PRR5L: variants seen among roughly 807,000 people sequenced by gnomAD.
The protein encoded by PRR5L is proline rich 5 like.
PRR5L carries 21 observed loss-of-function variants against 36.4 expected under a neutral mutation model. That is an observed-to-expected ratio of 0.58 (90% confidence interval 0.41 to 0.83). The LOEUF is 0.83. PRR5L is among the 40% of genes least tolerant of loss of function. PRR5L has a pLI of 0.00. For missense variants in PRR5L, 381 were observed against 473.3 expected (o/e 0.80, Z 1.81); for synonymous variants, 188 against 197.0 (o/e 0.95, Z 0.38).
rs566527896 is a variant in PRR5L at position 36,345,049 on chromosome 11, C to T, written c.-126+48611C>T. On this transcript the variant is annotated intron_variant, in intron 1 of 8. Coordinates refer to ENST00000530639, the MANE Select transcript of PRR5L (RefSeq NM_001160167.2). Reference sequence around the variant, plus strand: ...GGCAAAGGGCTAGAGAGAAAAGGGTCTTTCCAGCTTGGGCTTGACTGGAGG... The same window carrying T: ...GGCAAAGGGCTAGAGAGAAAAGGGTTTTTCCAGCTTGGGCTTGACTGGAGG... Among the ~76,000 whole-genome samples, 75 of 152,286 alleles carry T rather than the reference C, an allele frequency of 4.9e-4. 1 individual carries two copies. Among genetic ancestry groups the T allele is most frequent in the Non-Finnish European group, 7.2e-4 (49 of 68,016 alleles).
intron 1 of PRR5L, among the ~76,000 whole-genome samples, chr11:36,354,119 G>A (rs182116905): frequency 2.6e-4 from 40 of 152,230 alleles, no homozygotes; most frequent in African/African-American, 8.9e-4. Context: ...TATTACTTGG[G>A]CAAATTACTT....
intron 3 of PRR5L, among the ~76,000 whole-genome samples, chr11:36,409,682 C>A (rs1472185707): frequency 6.6e-6 from 1 of 152,190 alleles, no homozygotes. Flanking sequence ...AGGCCTGATG[C>A]CACGAGGTAA....
intron 5 of PRR5L, 106 bp from the exon 6 acceptor site, chr11:36,437,279 A>G: frequency 2.4e-6 from 2 of 829,158 alleles, no homozygotes; most frequent in East Asian, 4.8e-5. Context: ...GTTTTTTAGC[A>G]TGTGCAGCTT....
At chr11:36,358,924 G>A (rs1378793001) in intron 1 of PRR5L, among the ~76,000 whole-genome samples, 1 of 152,210 alleles carries the variant, frequency 6.6e-6, no homozygotes, top group Non-Finnish European at 1.5e-5. Flanking sequence ...GCTAGATTTG[G>A]AGATGTTTTG....
intron 3 of PRR5L, among the ~76,000 whole-genome samples, chr11:36,411,921 C>G (rs1353286528): frequency 6.6e-6 from 1 of 152,178 alleles, no homozygotes; most frequent in Admixed American, 6.5e-5. Flanking sequence ...TTTCAAGACC[C>G]AGGGCTTCAG....
intron 1 of PRR5L, among the ~76,000 whole-genome samples, chr11:36,341,905 C>T (rs146030934): frequency 7.2e-5 from 11 of 152,200 alleles, no homozygotes; most frequent in African/African-American, 2.2e-4. Flanking sequence ...GGGAAGAGAA[C>T]AGGAGAAACG....
chr11:36,296,527 T>G (rs1034220902), intron 1 of PRR5L, 89 bp downstream of exon 1: 3 of 152,242 alleles, frequency 2.0e-5, no homozygotes, highest in African/African-American at 7.2e-5. Flanking sequence ...GATGGGTTTC[T>G]GGCTTCAAGA....
intron 1 of PRR5L, chr11:36,329,035 G>A (rs1856692962): frequency 6.6e-6 from 1 of 152,192 alleles, no homozygotes; most frequent in African/African-American, 2.4e-5. Context: ...TTAATAAAGG[G>A]CATTTCTATG....
chr11:36,368,395 C>T (rs1296374588), intron 1 of PRR5L, among the ~76,000 whole-genome samples: 1 of 152,092 alleles, frequency 6.6e-6, no homozygotes, highest in Non-Finnish European at 1.5e-5. Context: ...CCTCAAAGTC[C>T]AGTCATGCCA....
chr11:36,412,845 C>T (rs1279169788), intron 3 of PRR5L, among the ~76,000 whole-genome samples: 2 of 152,102 alleles, frequency 1.3e-5, no homozygotes, highest in Non-Finnish European at 2.9e-5. Context: ...TCTGTTTCAT[C>T]CTTTTCTTCT....
At chr11:36,297,256 T>C (rs189641928) in intron 1 of PRR5L, 22 of 152,338 alleles carry the variant, frequency 1.4e-4, no homozygotes, top group Admixed American at 1.4e-3. Context: ...CTCTAGGTCA[T>C]GGTGTATAGA....
chr11:36,439,976 G>A (rs1178769740), intron 6 of PRR5L, among the ~76,000 whole-genome samples: 1 of 152,134 alleles, frequency 6.6e-6, no homozygotes, highest in East Asian at 1.9e-4. Flanking sequence ...TGGATTAGTA[G>A]GAATTCCTTC....
intron 4 of PRR5L, 60 bp downstream of exon 4, chr11:36,419,363 A>G: frequency 7.0e-7 from 1 of 1,421,092 alleles, no homozygotes; most frequent in Non-Finnish European, 1.0e-6. Flanking sequence ...TGGACCTAAA[A>G]GGGGTGGCCA....
At chr11:36,435,968 A>G (rs1476081880) in intron 5 of PRR5L, among the ~76,000 whole-genome samples, 3 of 152,226 alleles carry the variant, frequency 2.0e-5, no homozygotes, top group South Asian at 2.1e-4. Context: ...CAGTGACGAG[A>G]CAGAGAAGAA....
chr11:36,389,810 G>A (rs1190941768), intron 1 of PRR5L, among the ~76,000 whole-genome samples: 5 of 151,942 alleles, frequency 3.3e-5, no homozygotes, highest in African/African-American at 9.7e-5. Context: ...CGGGGGTTTC[G>A]CCATGTTGGC....
chr11:36,349,548 G>T (rs953827896), intron 1 of PRR5L, among the ~76,000 whole-genome samples: 3 of 152,082 alleles, frequency 2.0e-5, no homozygotes, highest in African/African-American at 7.2e-5. Flanking sequence ...GGGAAGGAAG[G>T]CGAGGGGCCT....
At chr11:36,359,681 T>A (rs1053989922) in intron 1 of PRR5L, among the ~76,000 whole-genome samples, 54 of 152,088 alleles carry the variant, frequency 3.6e-4, no homozygotes, top group African/African-American at 1.2e-3. Context: ...AAGGAGCGGA[T>A]CAACAGAGAC....
At chr11:36,417,060 C>T (rs1301663146) in intron 3 of PRR5L, among the ~76,000 whole-genome samples, 3 of 152,174 alleles carry the variant, frequency 2.0e-5, no homozygotes, top group Admixed American at 1.3e-4. Flanking sequence ...TTACCCATGG[C>T]ATCTTCATGA....
rs150821824 is a variant in PRR5L, at chr11:36,304,663, C to T, written c.-126+8225C>T. On this transcript the variant is annotated intron_variant, in intron 1 of 8. Coordinates refer to ENST00000530639, the MANE Select transcript of PRR5L (RefSeq NM_001160167.2). ...CACAAATAGTGTTGCAGCGAACTTCCTTCTGCATGTACTGTTGTACACACA... is the reference window on the plus strand; with the variant it reads ...CACAAATAGTGTTGCAGCGAACTTCTTTCTGCATGTACTGTTGTACACACA... Among the ~76,000 whole-genome samples the T allele has an allele frequency of 1.5e-3, 224 of 152,292 alleles. 1 individual carries two copies. The Middle Eastern group carries it at 0.02, about 14-fold the overall frequency.
Sources: allele counts gnomAD v4.1 joint callset (sites outside exome capture counted in the v4.1 genomes callset), GRCh38; gene constraint gnomAD v4.1.1; transcripts MANE v1.5; gene names NCBI Gene and HGNC (gene_info 2026-07-23, HGNC 2026-07-21).